DIAPH1: variants seen among roughly 807,000 people sequenced by gnomAD.
DIAPH1 encodes the protein diaphanous related formin 1, also known as protein diaphanous homolog 1.
In DIAPH1, 46 loss-of-function variants were observed where a neutral mutation model predicts 140.7. That is an observed-to-expected ratio of 0.33 (90% CI 0.26 to 0.42). DIAPH1 has a LOEUF of 0.42. Ranked by LOEUF, DIAPH1 falls within the 10% of genes least tolerant of loss-of-function variation. The pLI is 1.00. For missense variants in DIAPH1, 1,310 were observed against 1,558.7 expected (o/e 0.84, Z 2.69); for synonymous variants, 565 against 551.6 (o/e 1.02, Z -0.34).
intron 1 of DIAPH1, among the ~76,000 whole-genome samples, chr5:141,611,312 T>C (rs2099901811): frequency 6.6e-6 from 1 of 152,196 alleles, no homozygotes; most frequent in Non-Finnish European, 1.5e-5. Flanking sequence ...GCAAAGATTT[T>C]TGAAATGTAA....
At chr5:141,541,610 G>A (rs932842776) in intron 18 of DIAPH1, among the ~76,000 whole-genome samples, 2 of 151,246 alleles carry the variant, frequency 1.3e-5, no homozygotes, top group Non-Finnish European at 2.9e-5. Context: ...GCTTGAACCC[G>A]GGAGGCGGAG....
chr5:141,524,436 C>T (rs2099886997), intron 26 of DIAPH1: 1 of 623,756 alleles, frequency 1.6e-6, no homozygotes, highest in Admixed American at 2.3e-5. Flanking sequence ...AACAAAAGAT[C>T]TCATTGCCTA....
intron 18 of DIAPH1, chr5:141,564,481 TCC>T (rs2099894072): frequency 6.6e-6 from 1 of 152,188 alleles, no homozygotes. Flanking sequence ...AAAACTTAAT[TCC>T]TTTACCTGAT....
At chr5:141,568,875 G>A (rs1339531040) in intron 18 of DIAPH1, among the ~76,000 whole-genome samples, 1 of 151,850 alleles carries the variant, frequency 6.6e-6, no homozygotes, top group African/African-American at 2.4e-5. Flanking sequence ...ATCAATACTG[G>A]CAACCACCTG....
At chr5:141,529,396 T>A in intron 20 of DIAPH1, 123 bp from the exon 21 acceptor site, 8 of 947,788 alleles carry the variant, frequency 8.4e-6, no homozygotes, top group Non-Finnish European at 1.7e-6. Context: ...AAACATATGG[T>A]GGGAGAAGAG....
chr5:141,602,432 G>C lies in DIAPH1; in HGVS notation c.118-14182C>G, dbSNP rs1427347947. ...GGGTTTCACCGTATTAGCCAGGATG[G>C]TCTTGAACTCCTGACCTCGTGATCC... is the stretch of plus-strand genomic sequence containing the variant. On this transcript the variant is annotated intron_variant, in intron 1 of 27. Coordinates refer to ENST00000389054, the MANE Select transcript of DIAPH1 (RefSeq NM_005219.5). 2.6e-5 allele frequency among the ~76,000 whole-genome samples: 4 copies of C among 152,232 alleles called. No individual in the cohort carries two copies. The East Asian group carries it at 7.7e-4, about 29-fold the overall frequency.
chr5:141,528,668 C>G (rs2154594996), intron 22 of DIAPH1, 34 bp downstream of exon 22: 1 of 1,614,268 alleles, frequency 6.2e-7, no homozygotes. Context: ...CTACAGCCTT[C>G]CTTGTGTTGT....
At chr5:141,580,939 G>C in intron 7 of DIAPH1, 56 bp from the exon 8 acceptor site, 1 of 1,612,022 alleles carries the variant, frequency 6.2e-7, no homozygotes, top group South Asian at 1.1e-5. Flanking sequence ...TCTAACTGGG[G>C]GACAAGTTTA....
At chr5:141,609,993 C>A (rs1404992318) in intron 1 of DIAPH1, among the ~76,000 whole-genome samples, 1 of 152,160 alleles carries the variant, frequency 6.6e-6, no homozygotes, top group Non-Finnish European at 1.5e-5. Flanking sequence ...TAAATCTATA[C>A]AAGTTCTAGA....
rs2099891215 is a variant in DIAPH1 at position 141,548,745 on chromosome 5, T to C, written c.2483-14312A>G. On this transcript the variant is annotated intron_variant, in intron 18 of 27. Coordinates refer to ENST00000389054, the MANE Select transcript of DIAPH1 (RefSeq NM_005219.5). Reference sequence around the variant, plus strand: ...CACCTAAGCCCGAGGAGGCTGAGGCTGCAGTGAGCCACAATCATGCCACTG... The same window carrying C: ...CACCTAAGCCCGAGGAGGCTGAGGCCGCAGTGAGCCACAATCATGCCACTG... 2.0e-5 allele frequency among the ~76,000 whole-genome samples: 3 copies of C among 152,076 alleles called. No homozygotes were observed. In the South Asian group the frequency reaches 6.2e-4, roughly 32 times the overall value.
rs2099896258 is a variant in DIAPH1, at chr5:141,578,343, C to G, written c.1045G>C (p.Asp349His). The G allele has an allele frequency of 6.2e-7, 1 of 1,611,640 alleles. No individual in the cohort carries two copies. Among genetic ancestry groups the G allele is most frequent in the Non-Finnish European group, 8.5e-7 (1 of 1,177,798 alleles). ...MRLGLHQVLQ[D>H]LREIENEDMR... ...TCTTCATTTTCAATCTCTCGAAGGT[C>G]CTGTCAACAACAAAAGTAGAAGTCA... is the stretch of plus-strand genomic sequence containing the variant. The change falls in exon 11 of 28, where the codon GAC (aspartate) becomes CAC (histidine). Residue 349 changes from aspartate to histidine, a missense_variant and splice_region_variant. Asp to His is a moderately conservative substitution (Grantham distance 81, BLOSUM62 -1). Around this residue, in one of 3 missense-constraint regions of DIAPH1, gnomAD observed 377 missense variants for 497.1 expected, o/e 0.76. Transcript: ENST00000389054.
intron 18 of DIAPH1, among the ~76,000 whole-genome samples, chr5:141,545,563 G>C (rs762143135): frequency 3.9e-5 from 6 of 152,160 alleles, no homozygotes; most frequent in Non-Finnish European, 7.3e-5. Context: ...AGGATCCCCT[G>C]AGCCCAGAAG....
At chr5:141,534,948 TC>T (rs1173774900) in intron 18 of DIAPH1, among the ~76,000 whole-genome samples, 1 of 152,146 alleles carries the variant, frequency 6.6e-6, no homozygotes, top group African/African-American at 2.4e-5. Flanking sequence ...TCAAGCTCCA[TC>T]TTTTTTGTTT....
At chr5:141,538,924 G>GT (rs2099889517) in intron 18 of DIAPH1, among the ~76,000 whole-genome samples, 2 of 152,154 alleles carry the variant, frequency 1.3e-5, no homozygotes, top group East Asian at 3.9e-4. Context: ...TTGCTCTATA[G>GT]TTTTTTCTTA....
intron 18 of DIAPH1, among the ~76,000 whole-genome samples, chr5:141,568,104 T>C: frequency 6.6e-6 from 1 of 152,166 alleles, no homozygotes; most frequent in East Asian, 1.9e-4. Flanking sequence ...GTACTATTTA[T>C]TTAAGACATG....
At chr5:141,579,233 G>A (rs772077431) in intron 8 of DIAPH1, 37 bp from the exon 9 acceptor site, 2 of 1,503,246 alleles carry the variant, frequency 1.3e-6, no homozygotes, top group Non-Finnish European at 1.9e-6. Flanking sequence ...AACTTTCCAG[G>A]TACTGTGACA....
chr5:141,537,483 CAAAAAAA>C (rs34323841), intron 18 of DIAPH1, among the ~76,000 whole-genome samples: 6 of 36,950 alleles, frequency 1.6e-4, no homozygotes, highest in African/African-American at 4.1e-4. Context: ...AACTCCGTCT[CAAAAAAA>C]AAAAAAAAAA....
chr5:141,559,353 G>GT (rs2099893170), intron 18 of DIAPH1, among the ~76,000 whole-genome samples: 1 of 152,134 alleles, frequency 6.6e-6, no homozygotes, highest in Non-Finnish European at 1.5e-5. Flanking sequence ...AAAGGTAACC[G>GT]TATCACTGAT....
chr5:141,614,308 GACAT>G (rs2099902301), intron 1 of DIAPH1, among the ~76,000 whole-genome samples: 1 of 151,856 alleles, frequency 6.6e-6, no homozygotes, highest in Non-Finnish European at 1.5e-5. Context: ...AATCATATGT[GACAT>G]ACAACTTATC....
Sources: gnomAD v4.1 joint callset for allele counts (sites outside exome capture counted in the v4.1 genomes callset) on GRCh38, gnomAD v4.1.1 for gene constraint, gnomAD v4.1.1 regional missense constraint, MANE v1.5 for transcripts, NCBI Gene and HGNC (gene_info 2026-07-23, HGNC 2026-07-21) for gene names.